VSIG4: variants seen among roughly 807,000 people sequenced by gnomAD.
VSIG4 encodes the protein V-set and immunoglobulin domain-containing protein 4.
A neutral mutation model predicts 23.4 loss-of-function variants in VSIG4; 34 were observed. The ratio of observed to expected loss-of-function variants is 1.45; its 90% CI spans 1.10 to 1.93. The LOEUF (loss-of-function observed/expected upper bound fraction) is 1.93, where lower values mean the gene tolerates loss of function less well. VSIG4 is among the 30% of genes most tolerant of loss of function. The probability of loss-of-function intolerance (pLI) is 0.00; values close to 1 mark genes in which losing one functional copy is unlikely to be tolerated. For missense variants in VSIG4, 433 were observed against 310.8 expected (o/e 1.39, Z -2.96); for synonymous variants, 169 against 120.3 (o/e 1.41, Z -2.65).
In VSIG4 at chrX:66,022,724, G is replaced by A. The variant is rs933076652; in HGVS notation, c.962+117C>T. Reference sequence around the variant, plus strand: ...AAGGCAGCTATGTCCTGACCCTGAAGGCCTCCGGCCTTAGGATTGGGTCTG... The same window carrying A: ...AAGGCAGCTATGTCCTGACCCTGAAAGCCTCCGGCCTTAGGATTGGGTCTG... On this transcript the variant is annotated intron_variant, in intron 7 of 7. Transcript: ENST00000374737. 3.4e-6 allele frequency: 4 copies of A among 1,176,309 alleles called. No homozygotes were observed. The African/African-American group carries it at 5.3e-5, about 16-fold the overall frequency.
At chrX:66,027,728 C>T (rs1389463580) in intron 4 of VSIG4, among the ~76,000 whole-genome samples, 1 of 112,047 alleles carries the variant, frequency 8.9e-6, no homozygotes, top group Non-Finnish European at 1.9e-5. Context: ...GAGAAGAATT[C>T]CCATCGAGGG....
intron 1 of VSIG4, among the ~76,000 whole-genome samples, chrX:66,038,839 G>A (rs562162419): frequency 2.7e-5 from 3 of 111,384 alleles, no homozygotes; most frequent in African/African-American, 9.8e-5. Context: ...CCTAATCAGA[G>A]TCAGCTACGG....
At chrX:66,035,236 T>A (rs2085522308) in intron 1 of VSIG4, among the ~76,000 whole-genome samples, 1 of 112,045 alleles carries the variant, frequency 8.9e-6, no homozygotes, top group Admixed American at 9.5e-5. Flanking sequence ...CACTACATAC[T>A]CTCTGGAATG....
At chrX:66,022,667 C>T in intron 7 of VSIG4, 167 bp from the exon 8 acceptor site, 1 of 1,128,021 alleles carries the variant, frequency 8.9e-7, no homozygotes, top group Admixed American at 3.2e-5. Flanking sequence ...TTCAGAGGGC[C>T]AAAACAACCT....
chrX:66,033,460 C>A lies in VSIG4; in HGVS notation c.412+14G>T, dbSNP rs368097070. 11 of 1,175,636 alleles carry A rather than the reference C, an allele frequency of 9.4e-6. No homozygotes were observed. Among genetic ancestry groups the A allele is most frequent in the African/African-American group, 8.8e-5 (5 of 57,060 alleles). On this transcript the variant is annotated intron_variant, in intron 2 of 7. Transcript: ENST00000374737. Reference sequence around the variant, plus strand: ...ATTGATTATCAGTGCTTTCCTACCCCCATAGTGACTCACGTTTCTGGACAC... The same window carrying A: ...ATTGATTATCAGTGCTTTCCTACCCACATAGTGACTCACGTTTCTGGACAC...
At chrX:66,039,843 T>C in intron 1 of VSIG4, 101 bp downstream of exon 1, 1 of 999,618 alleles carries the variant, frequency 1.0e-6, no homozygotes, top group Non-Finnish European at 1.4e-6. Flanking sequence ...AAGACTCACC[T>C]GCCCAGTAGG....
intron 1 of VSIG4, among the ~76,000 whole-genome samples, chrX:66,038,903 C>G (rs1017543293): frequency 1.3e-4 from 14 of 111,193 alleles, no homozygotes; most frequent in Middle Eastern, 9.3e-3. Flanking sequence ...ACCTATCCAG[C>G]CTTTTTCTCT....
intron 1 of VSIG4, among the ~76,000 whole-genome samples, chrX:66,038,508 T>C (rs768717848): frequency 1.9e-5 from 2 of 104,804 alleles, no homozygotes; most frequent in South Asian, 8.2e-4. Context: ...CACACACACA[T>C]GAATGCACAC....
chrX:66,028,346 T>C (rs1248003447), intron 3 of VSIG4, among the ~76,000 whole-genome samples: 4 of 110,876 alleles, frequency 3.6e-5, no homozygotes, highest in Admixed American at 9.6e-5. Context: ...GTAGCTAGAG[T>C]TCAGAGAGTC....
chrX:66,038,712 C>T (rs2085649637), intron 1 of VSIG4, among the ~76,000 whole-genome samples: 1 of 111,469 alleles, frequency 9.0e-6, no homozygotes, highest in Non-Finnish European at 1.9e-5. Context: ...AACTCTGCCA[C>T]TAATGCTCTT....
chrX:66,021,816 A>G lies in VSIG4; in HGVS notation c.*447T>C, dbSNP rs1281135425. 5 of 264,619 alleles carry G rather than the reference A, an allele frequency of 1.9e-5. No individual in the cohort carries two copies. Among genetic ancestry groups the G allele is most frequent in the Non-Finnish European group, 3.5e-5 (5 of 142,257 alleles). 21.8% of individuals were successfully genotyped at this position (264,619 alleles called of 1,213,427 possible). On this transcript the variant is annotated 3_prime_UTR_variant, in exon 8 of 8. Coordinates refer to ENST00000374737, the MANE Select transcript of VSIG4 (RefSeq NM_007268.3). ...ACTTATAGTGGAGGAGCAGAACTGAACCCTGGCCTGTGAAATAACAATTTC... is the reference window on the plus strand; with the variant it reads ...ACTTATAGTGGAGGAGCAGAACTGAGCCCTGGCCTGTGAAATAACAATTTC...
chrX:66,022,042 G>T lies in VSIG4; in HGVS notation c.*221C>A, dbSNP rs752950319. Reference sequence around the variant, plus strand: ...TAGAGAGGAGTACCAGAAGCCCCCGGCAGAGATACTAGAAGGGCCCAGAGC... The same window carrying T: ...TAGAGAGGAGTACCAGAAGCCCCCGTCAGAGATACTAGAAGGGCCCAGAGC... On this transcript the variant is annotated 3_prime_UTR_variant, in exon 8 of 8. Coordinates refer to ENST00000374737, the MANE Select transcript of VSIG4 (RefSeq NM_007268.3). 1 of 1,157,275 alleles carries T rather than the reference G, an allele frequency of 8.6e-7. No individual in the cohort carries two copies. The highest frequency in any genetic ancestry group is 1.2e-6 in the Non-Finnish European group (1 of 866,330).
intron 3 of VSIG4, among the ~76,000 whole-genome samples, chrX:66,029,605 T>C (rs1007793537): frequency 9.0e-6 from 1 of 111,626 alleles, no homozygotes; most frequent in African/African-American, 3.3e-5. Context: ...ATTGAAATTG[T>C]TTTTTAAAAA....
At position 66,022,192 on chromosome X, in the gene VSIG4, A is replaced by G; in HGVS notation, c.*71T>C. 1 of 1,211,037 alleles carries G rather than the reference A, an allele frequency of 8.3e-7. No homozygotes were observed. The highest frequency in any genetic ancestry group is 1.1e-6 in the Non-Finnish European group (1 of 895,145). On this transcript the variant is annotated 3_prime_UTR_variant, in exon 8 of 8. Coordinates refer to ENST00000374737, the MANE Select transcript of VSIG4 (RefSeq NM_007268.3). The stretch of plus-strand genomic sequence containing the variant: ...CTATCCAGGAAGAGAGGTAGCAGGG[A>G]AGAAGGCCATGCAGAAGGCAAGGAC...
In VSIG4 at chrX:66,028,099, T is replaced by A. The variant is rs1335328877; in HGVS notation, c.708A>T (p.Leu236=). 1 of 1,208,593 alleles carries A rather than the reference T, an allele frequency of 8.3e-7. No individual in the cohort carries two copies. Among genetic ancestry groups the A allele is most frequent in the Non-Finnish European group, 1.1e-6 (1 of 894,428 alleles). ...TAGGTGCCTCAGTCTTGGTCTTGAG[T>A]AGCTTTGAGGAGTCTGCAAGGAAAA... ...VKFVVKDSSK[L]LKTKTEAPTT... The change falls in exon 4 of 8, where the codon CTA becomes CTT. Residue 236 remains leucine, a synonymous_variant. Transcript: ENST00000374737.
At position 66,022,145 on chromosome X, in the gene VSIG4, G is replaced by C. The variant is rs1251098076; in HGVS notation, c.*118C>G. On this transcript the variant is annotated 3_prime_UTR_variant, in exon 8 of 8. Transcript: ENST00000374737. ...GCCAGTGACTCCCAGCGGCTCCAGTGTTGGTAGGCGGACACTTTGGGCTAT... is the reference window on the plus strand; with the variant it reads ...GCCAGTGACTCCCAGCGGCTCCAGTCTTGGTAGGCGGACACTTTGGGCTAT... 1 of 1,199,109 alleles carries C rather than the reference G, an allele frequency of 8.3e-7. No homozygotes were observed.
chrX:66,037,829 G>A (rs1569246452), intron 1 of VSIG4, among the ~76,000 whole-genome samples: 3 of 70,566 alleles, frequency 4.3e-5, no homozygotes, highest in African/African-American at 2.1e-4. Flanking sequence ...TGAGCTTAAT[G>A]TGGTCCTGAG....
intron 6 of VSIG4, among the ~76,000 whole-genome samples, chrX:66,023,824 T>A (rs752333940): frequency 7.1e-5 from 8 of 112,246 alleles, no homozygotes; most frequent in Non-Finnish European, 1.3e-4. Context: ...TTGACCTTTA[T>A]CCCCTGGGCC....
rs775339601 is a variant in VSIG4 at position 66,022,352 on chromosome X, C to T, written c.1111G>A (p.Ala371Thr). The T allele has an allele frequency of 3.3e-5, 40 of 1,210,861 alleles. No individual in the cohort carries two copies. In the South Asian group the frequency reaches 3.9e-4, roughly 12 times the overall value. ...CGGGCGTAGTTGCCATTGATCTGGG[C>T]GATGATCTGGTACTCCTGTCCTATG... ...PCIGQEYQII[A>T]QINGNYARLL... Residue 371 changes from alanine (A) to threonine (T), a missense_variant, in exon 8 of 8, where the codon GCC becomes ACC. By Grantham distance (58) the Ala-to-Thr change is moderately conservative. Coordinates refer to ENST00000374737, the MANE Select transcript of VSIG4 (RefSeq NM_007268.3).
Sources: allele counts gnomAD v4.1 joint callset (sites outside exome capture counted in the v4.1 genomes callset), GRCh38; gene constraint gnomAD v4.1.1; transcripts MANE v1.5; gene names NCBI Gene and HGNC (gene_info 2026-07-23, HGNC 2026-07-21).